Variants in PUDP observed in about 807,000 individuals in gnomAD.
The protein encoded by PUDP is pseudouridine 5'-phosphatase.
Under a neutral mutation model 9.4 loss-of-function variants are expected in PUDP, and 8 were observed. The ratio of observed to expected loss-of-function variants is 0.85; its 90% CI spans 0.50 to 1.53. The LOEUF (loss-of-function observed/expected upper bound fraction) is 1.53. Among genes scored for constraint, PUDP ranks in the 40% most tolerant of loss-of-function variants. PUDP has a pLI of 0.00. For missense variants in PUDP, 188 were observed against 189.7 expected (o/e 0.99, Z 0.05); for synonymous variants, 99 against 80.7 (o/e 1.23, Z -1.22).
chrX:7,003,117 C>A (rs748768339), intron 1 of PUDP, among the ~76,000 whole-genome samples: 15 of 111,909 alleles, frequency 1.3e-4, no homozygotes, highest in Non-Finnish European at 2.6e-4. Context: ...GTTTTATGAC[C>A]AAAAGTGGCT....
At chrX:7,094,746 C>T (rs936467345) in intron 2 of PUDP, among the ~76,000 whole-genome samples, 12 of 111,703 alleles carry the variant, frequency 1.1e-4, no homozygotes, top group Admixed American at 1.9e-4. Flanking sequence ...TTCCTCCCTA[C>T]GATCATAAAT....
intron 1 of PUDP, among the ~76,000 whole-genome samples, chrX:6,720,258 G>GTGTATATATATATATATATA (rs1555907522): frequency 2.5e-4 from 12 of 48,791 alleles, no homozygotes; most frequent in East Asian, 1.9e-3. Context: ...GTGTGTGTGT[G>GTGTATATATATATATATATA]TATATATATA....
intron 3 of PUDP, among the ~76,000 whole-genome samples, chrX:6,888,095 T>A: frequency 9.0e-6 from 1 of 111,363 alleles, no homozygotes; most frequent in Admixed American, 9.6e-5. Context: ...GATTCCAAAA[T>A]ATTAATAATT....
intron 2 of PUDP, among the ~76,000 whole-genome samples, chrX:7,093,429 T>A (rs1265688677): frequency 1.2e-4 from 13 of 112,208 alleles, no homozygotes; most frequent in African/African-American, 4.2e-4. Context: ...TTCTCATTGG[T>A]TGCTTTGTGC....
chrX:7,008,761 G>A (rs868608209), intron 1 of PUDP, among the ~76,000 whole-genome samples: 9 of 112,098 alleles, frequency 8.0e-5, no homozygotes, highest in Non-Finnish European at 1.3e-4. Context: ...AAAGTCCTGC[G>A]TTTGAAGGTT....
chrX:7,035,677 A>G (rs1282212675), intron 1 of PUDP, among the ~76,000 whole-genome samples: 3 of 111,814 alleles, frequency 2.7e-5, no homozygotes, highest in Non-Finnish European at 5.6e-5. Context: ...TCATGAATAT[A>G]TATTTCCTGA....
chrX:6,751,301 C>G (rs73457850), intron 3 of PUDP, among the ~76,000 whole-genome samples: 380 of 111,816 alleles, frequency 3.4e-3, no homozygotes, highest in African/African-American at 0.012. Flanking sequence ...GATCAGATGC[C>G]AATTCTGGTG....
intron 3 of PUDP, among the ~76,000 whole-genome samples, chrX:6,845,092 T>C (rs1446945468): frequency 8.9e-6 from 1 of 112,210 alleles, no homozygotes; most frequent in Non-Finnish European, 1.9e-5. Context: ...AGAAACACTC[T>C]CACAGATACA....
At chrX:6,901,951 G>A (rs1389320505) in intron 3 of PUDP, among the ~76,000 whole-genome samples, 8 of 110,952 alleles carry the variant, frequency 7.2e-5, no homozygotes, top group Non-Finnish European at 1.3e-4. Context: ...ATAGCTCACC[G>A]CAGCCAAAAA....
chrX:7,029,148 T>C (rs1450478180), intron 1 of PUDP, among the ~76,000 whole-genome samples: 3 of 112,213 alleles, frequency 2.7e-5, no homozygotes, highest in African/African-American at 9.7e-5. Flanking sequence ...GGACCTGTTT[T>C]TTCACTCATC....
chrX:6,907,842 C>T (rs1015520149), intron 3 of PUDP, among the ~76,000 whole-genome samples: 1 of 111,656 alleles, frequency 9.0e-6, no homozygotes, highest in African/African-American at 3.3e-5. Context: ...GAGAAAAAGG[C>T]AAAGGGGGCA....
intron 3 of PUDP, among the ~76,000 whole-genome samples, chrX:6,850,972 G>C: frequency 1.8e-5 from 2 of 112,004 alleles, no homozygotes; most frequent in South Asian, 7.5e-4. Flanking sequence ...AAAATCCATT[G>C]AATATTTTGA....
intron 1 of PUDP, among the ~76,000 whole-genome samples, chrX:6,719,781 C>T (rs1222582728): frequency 5.4e-5 from 6 of 111,878 alleles, no homozygotes; most frequent in Non-Finnish European, 1.1e-4. Flanking sequence ...AATCCACAGT[C>T]AATAATTTTC....
intron 3 of PUDP, among the ~76,000 whole-genome samples, chrX:6,947,338 G>T (rs1157529463): frequency 1.8e-5 from 2 of 111,394 alleles, no homozygotes; most frequent in Non-Finnish European, 3.8e-5. Flanking sequence ...TATTGTCTTG[G>T]TCTCAACAAA....
chrX:7,109,452 C>T (rs1236102460), intron 1 of PUDP, among the ~76,000 whole-genome samples: 1 of 111,851 alleles, frequency 8.9e-6, no homozygotes, highest in Non-Finnish European at 1.9e-5. Context: ...CTGACTAAGG[C>T]GAGTGTGCGA....
At chrX:7,085,355 C>T (rs758396050) in intron 2 of PUDP, 1 of 112,331 alleles carries the variant, frequency 8.9e-6, no homozygotes, top group Non-Finnish European at 1.9e-5. Context: ...GGACTTGTCT[C>T]GCTCTCTGAA....
At position 6,858,730 on chromosome X, in the gene PUDP, T is replaced by C. The variant is rs777572396; in HGVS notation, c.*247+118403A>G. ...GGATTCACAGGAACCCCTGAATTTA[T>C]AGTAAGTTGGTACAAAGTGCAGGTG... On this transcript the variant is annotated intron_variant and NMD_transcript_variant, in intron 3 of 3. Coordinates refer to the PUDP transcript ENST00000655425. 5.4e-5 allele frequency among the ~76,000 whole-genome samples: 6 copies of C among 112,008 alleles called. 1 individual carries two copies. The highest frequency in any genetic ancestry group is 1.9e-4 in the Admixed American group (2 of 10,553).
intron 3 of PUDP, among the ~76,000 whole-genome samples, chrX:6,887,266 T>G (rs747957044): frequency 2.2e-4 from 24 of 107,845 alleles, no homozygotes; most frequent in African/African-American, 7.3e-4. Flanking sequence ...GATATATTAT[T>G]TATATGTACA....
At chrX:7,004,446 T>C (rs1412819429) in intron 1 of PUDP, among the ~76,000 whole-genome samples, 1 of 111,710 alleles carries the variant, frequency 9.0e-6, no homozygotes, top group Non-Finnish European at 1.9e-5. Flanking sequence ...TCTGACTGAC[T>C]TCTTAACAAT....
Sources: allele counts gnomAD v4.1 joint callset (sites outside exome capture counted in the v4.1 genomes callset), GRCh38; gene constraint gnomAD v4.1.1; transcripts MANE v1.5; gene names NCBI Gene and HGNC (gene_info 2026-07-23, HGNC 2026-07-21).